Variants in SGMS1 observed in about 807,000 individuals in gnomAD.
SGMS1 encodes the protein sphingomyelin synthase 1.
Under a neutral mutation model 46.2 loss-of-function variants are expected in SGMS1, and 13 were observed. That is an observed-to-expected ratio of 0.28 (90% CI 0.18 to 0.45). The LOEUF (loss-of-function observed/expected upper bound fraction) is 0.45. Ranked by LOEUF, SGMS1 falls within the 20% of genes least tolerant of loss-of-function variation. SGMS1 has a pLI of 1.00. For synonymous variants in SGMS1, 203 were observed against 187.8 expected (o/e 1.08, Z -0.66); for missense variants, 324 against 519.9 (o/e 0.62, Z 3.66).
intron 6 of SGMS1, among the ~76,000 whole-genome samples, chr10:50,379,438 T>TTA (rs5784831): frequency 0.066 from 9,953 of 149,886 alleles, 803 homozygotes; most frequent in East Asian, 0.35. Context: ...GCATATACAT[T>TTA]TATATATATA....
At chr10:50,621,797 A>T (rs1339625671) in intron 1 of SGMS1, among the ~76,000 whole-genome samples, 1 of 152,254 alleles carries the variant, frequency 6.6e-6, no homozygotes, top group Non-Finnish European at 1.5e-5. Flanking sequence ...ATGGAAGGAA[A>T]GGCCACTTCA....
intron 3 of SGMS1, among the ~76,000 whole-genome samples, chr10:50,474,723 C>T (rs1837405009): frequency 6.6e-6 from 1 of 152,006 alleles, no homozygotes; most frequent in Non-Finnish European, 1.5e-5. Context: ...CCCTGCCTCT[C>T]CCTTAAAAAC....
chr10:50,443,028 C>A (rs889494699), intron 5 of SGMS1, among the ~76,000 whole-genome samples: 9 of 152,042 alleles, frequency 5.9e-5, no homozygotes, highest in Non-Finnish European at 1.0e-4. Flanking sequence ...GTTCTATGAG[C>A]AAAAATTTCA....
intron 5 of SGMS1, among the ~76,000 whole-genome samples, chr10:50,448,757 A>AAAAAAT (rs1564916664): frequency 7.1e-6 from 1 of 140,662 alleles, no homozygotes; most frequent in Non-Finnish European, 1.5e-5. Flanking sequence ...AAAAAAAAAA[A>AAAAAAT]AAAAGAATGA....
At chr10:50,464,704 G>A (rs1398938284) in intron 4 of SGMS1, among the ~76,000 whole-genome samples, 1 of 152,224 alleles carries the variant, frequency 6.6e-6, no homozygotes, top group Non-Finnish European at 1.5e-5. Context: ...AAAGTGCTGT[G>A]TTTACAGGCA....
chr10:50,409,743 G>A (rs546559167), intron 6 of SGMS1, among the ~76,000 whole-genome samples: 1 of 152,120 alleles, frequency 6.6e-6, no homozygotes, highest in Non-Finnish European at 1.5e-5. Flanking sequence ...AGACTATAAA[G>A]AGGACAATTA....
At chr10:50,481,861 T>C (rs184902665) in intron 3 of SGMS1, among the ~76,000 whole-genome samples, 157 of 152,120 alleles carry the variant, frequency 1.0e-3, no homozygotes, top group Non-Finnish European at 1.8e-3. Context: ...AAACACAACA[T>C]GAGAACTTCA....
chr10:50,485,675 G>A (rs1837514030), intron 3 of SGMS1, among the ~76,000 whole-genome samples: 1 of 152,166 alleles, frequency 6.6e-6, no homozygotes, highest in Non-Finnish European at 1.5e-5. Context: ...CAAGGCAGGT[G>A]GATCGCTTGA....
intron 8 of SGMS1, among the ~76,000 whole-genome samples, chr10:50,320,253 C>T (rs1010310291): frequency 6.6e-6 from 1 of 152,186 alleles, no homozygotes; most frequent in Non-Finnish European, 1.5e-5. Flanking sequence ...TCATCCGTCT[C>T]CCTCACGTGA....
At position 50,307,385 on chromosome 10, in the gene SGMS1, C is replaced by T. The variant is rs1847193599; in HGVS notation, c.1063-64G>A. 3.3e-6 allele frequency: 5 copies of T among 1,494,828 alleles called. 1 individual carries two copies. The highest frequency in any genetic ancestry group is 1.8e-4 in the Middle Eastern group (1 of 5,428). 92.6% of individuals were successfully genotyped at this position (1,494,828 alleles called of 1,614,324 possible). ...CTTTCACTTTAAGTTCAAATACTTGCCACGCTAAAATTCCCAAAGGACTCC... is the reference window on the plus strand; with the variant it reads ...CTTTCACTTTAAGTTCAAATACTTGTCACGCTAAAATTCCCAAAGGACTCC... On this transcript the variant is annotated intron_variant, in intron 10 of 10. Transcript: ENST00000361781. This position sits in a 1 kb window ranked among gnomAD's most constrained non-coding sequence, Gnocchi z 4.2.
At chr10:50,497,393 C>G (rs1837623890) in intron 3 of SGMS1, among the ~76,000 whole-genome samples, 1 of 152,200 alleles carries the variant, frequency 6.6e-6, no homozygotes, top group Non-Finnish European at 1.5e-5. Context: ...AGCTGGAAGA[C>G]ATGACAAACA....
At chr10:50,355,891 G>A (rs917843534) in intron 6 of SGMS1, among the ~76,000 whole-genome samples, 1 of 152,046 alleles carries the variant, frequency 6.6e-6, no homozygotes, top group African/African-American at 2.4e-5. Context: ...CCGCGACCCC[G>A]TCTGGGAACT....
chr10:50,451,813 A>T (rs1490409834), intron 5 of SGMS1, among the ~76,000 whole-genome samples: 1 of 152,178 alleles, frequency 6.6e-6, no homozygotes, highest in Non-Finnish European at 1.5e-5. Flanking sequence ...TGAACTGCAG[A>T]TCTGCACACT....
intron 6 of SGMS1, among the ~76,000 whole-genome samples, chr10:50,348,640 C>T (rs1332325988): frequency 6.6e-6 from 1 of 152,162 alleles, no homozygotes; most frequent in Non-Finnish European, 1.5e-5. Flanking sequence ...AGGAGAACTA[C>T]AAACCACTAC....
chr10:50,454,376 A>T (rs1391532987), intron 5 of SGMS1, among the ~76,000 whole-genome samples: 1 of 152,200 alleles, frequency 6.6e-6, no homozygotes, highest in African/African-American at 2.4e-5. Flanking sequence ...GGGAAAAGCT[A>T]TTAAAATAGA....
chr10:50,493,303 T>C (rs868730265), intron 3 of SGMS1, among the ~76,000 whole-genome samples: 2 of 152,110 alleles, frequency 1.3e-5, no homozygotes, highest in East Asian at 1.9e-4. Flanking sequence ...TTACGCCATA[T>C]ACAAAAATTA....
chr10:50,582,675 C>T lies in SGMS1; in HGVS notation c.-589+7478G>A, dbSNP rs981593645. ...AAAAATTTCTTCTTAGGAATGTTCC[C>T]TTAAATGTTTCTGGGGGCACCGTTC... On this transcript the variant is annotated intron_variant, in intron 2 of 10. Transcript: ENST00000361781. 4.6e-5 allele frequency among the ~76,000 whole-genome samples: 7 copies of T among 152,336 alleles called. No individual in the cohort carries two copies. In the South Asian group the frequency reaches 6.2e-4, roughly 14 times the overall value.
intron 6 of SGMS1, among the ~76,000 whole-genome samples, chr10:50,383,137 T>C (rs547255321): frequency 9.9e-5 from 15 of 152,270 alleles, no homozygotes; most frequent in Admixed American, 5.2e-4. Context: ...TTTGGGTTAG[T>C]GTATTGTACC....
intron 5 of SGMS1, among the ~76,000 whole-genome samples, chr10:50,440,035 A>AAGCAATGC (rs1388074718): frequency 6.6e-6 from 1 of 152,178 alleles, no homozygotes; most frequent in African/African-American, 2.4e-5. Flanking sequence ...CTAAACAAGC[A>AAGCAATGC]AGCAATGCAG....
Sources: gnomAD v4.1 joint callset for allele counts (sites outside exome capture counted in the v4.1 genomes callset) on GRCh38, gnomAD v4.1.1 for gene constraint, Gnocchi (gnomAD v3.1) non-coding constraint, MANE v1.5 for transcripts, NCBI Gene and HGNC (gene_info 2026-07-23, HGNC 2026-07-21) for gene names.